The following NCAN variants were observed in gnomAD, a reference collection of about 807,000 sequenced individuals.
NCAN encodes the protein neurocan.
NCAN carries 47 observed loss-of-function variants against 121.8 expected under a neutral mutation model. That is an observed-to-expected ratio of 0.39 (90% CI 0.31 to 0.49). The LOEUF is 0.49. NCAN is among the 20% of genes least tolerant of loss of function. The pLI, the probability that NCAN is intolerant of heterozygous loss-of-function variation, is 0.92. For synonymous variants in NCAN, 633 were observed against 702.0 expected, an observed-to-expected ratio of 0.90 and a Z score of 1.55; for missense variants, 1,517 against 1,773.4, an observed-to-expected ratio of 0.86 and a Z score of 2.60.
chr19:19,246,919 C>G (rs1033152126), intron 13 of NCAN, among the ~76,000 whole-genome samples: 11 of 152,060 alleles, frequency 7.2e-5, no homozygotes, highest in African/African-American at 2.4e-4. Flanking sequence ...CTCTTTTGCC[C>G]AGTTTTCTAT....
chr19:19,232,683 A>G (rs903077664), intron 8 of NCAN, among the ~76,000 whole-genome samples: 1 of 152,236 alleles, frequency 6.6e-6, no homozygotes, highest in Non-Finnish European at 1.5e-5. Context: ...AATGTTCTCT[A>G]TCCACGCTAA....
chr19:19,229,404 G>GA (rs1473123942), intron 8 of NCAN, among the ~76,000 whole-genome samples: 6 of 152,174 alleles, frequency 3.9e-5, no homozygotes, highest in African/African-American at 1.4e-4. Flanking sequence ...CCAGAGGGAG[G>GA]AGGCATGGCA....
Position 19,228,386 on chromosome 19 carries a change from C to T in NCAN, c.2766C>T (p.Pro922=). The T allele has an allele frequency of 5.6e-6, 9 of 1,613,782 alleles. No homozygotes were observed. The highest frequency in any genetic ancestry group is 7.6e-6 in the Non-Finnish European group (9 of 1,180,020). Residue 922 remains proline (P), a synonymous_variant, in exon 8 of 15, where the codon CCC becomes CCT. Transcript: ENST00000252575. ...CAGTGCCTCCGCATCAGAGCAGTCC[C>T]CTAGGGAAACCGGCTGTTCCTCCTG... ...GASVPPHQSS[P]LGKPAVPPGT...
intron 14 of NCAN, 119 bp from the exon 15 acceptor site, chr19:19,249,647 A>G: frequency 6.9e-7 from 1 of 1,440,034 alleles, no homozygotes; most frequent in Non-Finnish European, 9.3e-7. Flanking sequence ...GATGACAGGG[A>G]TGAGCCCTCG....
rs1170483794 is a variant in NCAN at position 19,251,212 on chromosome 19, G to A, written c.*1301G>A. On this transcript the variant is annotated 3_prime_UTR_variant, in exon 15 of 15. Coordinates refer to ENST00000252575, the MANE Select transcript of NCAN (RefSeq NM_004386.3). ...GGTTAAAAAAGCACCGTGGAGAATG[G>A]CCCTCTTCAGGAAAGAAAAATAAGC... The A allele has an allele frequency of 2.6e-5, 4 of 152,148 alleles. No individual in the cohort carries two copies. Among genetic ancestry groups the A allele is most frequent in the Non-Finnish European group, 5.9e-5 (4 of 68,038 alleles). The allele number at this position is 152,148 out of a possible 1,614,324, so 9.4% of individuals were successfully genotyped here.
chr19:19,228,343 A>G lies in NCAN; in HGVS notation c.2723A>G (p.Gln908Arg), dbSNP rs1389548311. The change falls in exon 8 of 15, where the codon CAG becomes CGG. Residue 908 changes from glutamine to arginine, a missense_variant. By Grantham distance (43) the Gln-to-Arg change is conservative. Transcript: ENST00000252575. Reference sequence around the variant, plus strand: ...GAGCCAGAGGATCAGGTGGAGACCCAGGGAACATCAGGAGCTTCAGTGCCT... The same window carrying G: ...GAGCCAGAGGATCAGGTGGAGACCCGGGGAACATCAGGAGCTTCAGTGCCT... ...HPEPEDQVETQGTSGASVPPH... is the reference protein window; with the variant it reads ...HPEPEDQVETRGTSGASVPPH... 3 of 1,613,900 alleles carry G rather than the reference A, an allele frequency of 1.9e-6. No individual in the cohort carries two copies. The highest frequency in any genetic ancestry group is 1.7e-6 in the Non-Finnish European group (2 of 1,180,008).
rs374495639 is a variant in NCAN at position 19,219,461 on chromosome 19, A to G, written c.475+145A>G. 4.5e-6 allele frequency: 4 copies of G among 892,794 alleles called. No homozygotes were observed. In the East Asian group the frequency reaches 8.6e-5, roughly 19 times the overall value. 55.3% of individuals were successfully genotyped at this position (892,794 alleles called of 1,614,324 possible). A position where few individuals can be genotyped will look rare whatever the true frequency, so the allele number is the denominator to read the frequency against. ...TGTAATCCCAGCACTTTGGCAGGCC[A>G]AGGCGGGTGGATTGCTTGAGCACAG... On this transcript the variant is annotated intron_variant, in intron 3 of 14. Transcript: ENST00000252575.
intron 8 of NCAN, among the ~76,000 whole-genome samples, chr19:19,231,773 A>C (rs2060860895): frequency 6.6e-6 from 1 of 151,992 alleles, no homozygotes; most frequent in South Asian, 2.1e-4. Context: ...TGAGCCCAGG[A>C]ATTGGAGACC....
At chr19:19,223,063 C>T (rs995726976) in intron 3 of NCAN, among the ~76,000 whole-genome samples, 27 of 151,988 alleles carry the variant, frequency 1.8e-4, no homozygotes, top group Admixed American at 1.5e-3. Context: ...GAGCTGAGAT[C>T]GCGCCACTGC....
Position 19,227,615 on chromosome 19 carries a change from C to A in NCAN, c.1995C>A (p.Ala665=), listed in dbSNP as rs144580072. The A allele has an allele frequency of 6.2e-7, 1 of 1,613,924 alleles. No individual in the cohort carries two copies. The highest frequency in any genetic ancestry group is 1.1e-5 in the South Asian group (1 of 91,082). ...TTGAGGCACATGGTGAGGCCACCGC[C>A]ACGGCTCCACCCTCCCCTGCTGCAG... ...NRVEAHGEAT[A]TAPPSPAAET... The change falls in exon 8 of 15, where the codon GCC becomes GCA. Residue 665 remains alanine (A), a synonymous_variant. Coordinates refer to ENST00000252575, the MANE Select transcript of NCAN (RefSeq NM_004386.3). This position sits in a 1 kb window ranked among gnomAD's most constrained non-coding sequence, Gnocchi z 4.2.
In NCAN at chr19:19,226,495, C is replaced by T. The variant is rs2060837354; in HGVS notation, c.1082C>T (p.Pro361Leu). 3.8e-6 allele frequency: 6 copies of T among 1,585,932 alleles called. No homozygotes were observed. The highest frequency in any genetic ancestry group is 4.3e-6 in the Non-Finnish European group (5 of 1,162,072). The change falls in exon 7 of 15, where the codon CCC becomes CTC. Residue 361 changes from proline to leucine, a missense_variant. Physicochemically the swap from Pro to Leu is moderately conservative, Grantham distance 98. Coordinates refer to ENST00000252575, the MANE Select transcript of NCAN (RefSeq NM_004386.3). ...FDAYCFRAHH[P>L]TSQHGDLETP... ...CTGCTTTCTCCCACAGCTCATCACC[C>T]CACGTCACAACATGGAGACCTAGAG...
Position 19,228,241 on chromosome 19 carries a change from C to G in NCAN, c.2621C>G (p.Thr874Arg). The part of the protein sequence containing the change: ...ALDTSIVTPL[T>R]TLEQGDKVGV... ...GATACAAGCATTGTGACGCCCCTCACGACCCTGGAGCAGGGGGACAAGGTT... is the reference window on the plus strand; with the variant it reads ...GATACAAGCATTGTGACGCCCCTCAGGACCCTGGAGCAGGGGGACAAGGTT... Residue 874 changes from threonine to arginine, a missense_variant, in exon 8 of 15, where the codon ACG becomes AGG. Coordinates refer to ENST00000252575, the MANE Select transcript of NCAN (RefSeq NM_004386.3). The G allele has an allele frequency of 6.2e-7, 1 of 1,613,916 alleles. No homozygotes were observed.
chr19:19,213,169 G>A (rs1056372327), intron 1 of NCAN, among the ~76,000 whole-genome samples: 3 of 152,142 alleles, frequency 2.0e-5, no homozygotes, highest in Non-Finnish European at 4.4e-5. Context: ...GGTGCACTGT[G>A]GGACCCCAGA....
At chr19:19,243,808 G>A (rs964973619) in intron 12 of NCAN, among the ~76,000 whole-genome samples, 32 of 151,924 alleles carry the variant, frequency 2.1e-4, no homozygotes, top group South Asian at 1.5e-3. Flanking sequence ...TGGGTGGATC[G>A]CGAGGTCAGG....
chr19:19,226,610 G>T lies in NCAN; in HGVS notation c.1197G>T (p.Val399=), dbSNP rs2060837999. Residue 399 remains valine, a synonymous_variant, in exon 7 of 15, where the codon GTG becomes GTT. Coordinates refer to ENST00000252575, the MANE Select transcript of NCAN (RefSeq NM_004386.3). ...AGCCCACCCTGGAGGAGGAAGAGGT[G>T]GTCACCCCTGACTTCCAGGAGCCTC... is the stretch of plus-strand genomic sequence containing the variant. The part of the protein sequence containing the change: ...ELEPTLEEEE[V]VTPDFQEPLV... The T allele has an allele frequency of 6.2e-7, 1 of 1,613,784 alleles. No homozygotes were observed. Among genetic ancestry groups the T allele is most frequent in the Non-Finnish European group, 8.5e-7 (1 of 1,180,026 alleles).
At position 19,219,096 on chromosome 19, in the gene NCAN, G is replaced by A. The variant is rs1356578181; in HGVS notation, c.255G>A (p.Ser85=). 11 of 1,612,390 alleles carry A rather than the reference G, an allele frequency of 6.8e-6. No individual in the cohort carries two copies. The highest frequency in any genetic ancestry group is 6.7e-5 in the Admixed American group (4 of 59,892). Residue 85 remains serine (S), a synonymous_variant, in exon 3 of 15, where the codon TCG becomes TCA. Transcript: ENST00000252575. ...AGTGGACCAAGGTGCGGACTGCGTC[G>A]GGCCAGCGACAGGACTTGCCCATCC... The part of the protein sequence containing the change: ...RIKWTKVRTA[S]GQRQDLPILV...
chr19:19,220,615 G>A (rs1053876931), intron 3 of NCAN, among the ~76,000 whole-genome samples: 3 of 151,868 alleles, frequency 2.0e-5, no homozygotes, highest in Non-Finnish European at 2.9e-5. Context: ...CCGCCACAGC[G>A]CCTGGCTAAT....
At position 19,228,188 on chromosome 19, in the gene NCAN, C is replaced by T; in HGVS notation, c.2568C>T (p.Ser856=). ...PGSQVFEEAE[S]TTLSPQVALD... ...CCCAGGTGTTTGAAGAAGCCGAAAG[C>T]ACCACCTTGAGCCCTCAGGTGGCCC... is the stretch of plus-strand genomic sequence containing the variant. The change falls in exon 8 of 15, where the codon AGC becomes AGT. Residue 856 remains serine, a synonymous_variant. Coordinates refer to ENST00000252575, the MANE Select transcript of NCAN (RefSeq NM_004386.3). The T allele has an allele frequency of 6.2e-7, 1 of 1,613,926 alleles. No individual in the cohort carries two copies. The highest frequency in any genetic ancestry group is 8.5e-7 in the Non-Finnish European group (1 of 1,180,030).
intron 1 of NCAN, among the ~76,000 whole-genome samples, chr19:19,215,135 C>G (rs990496737): frequency 2.0e-5 from 3 of 152,060 alleles, no homozygotes; most frequent in Admixed American, 2.0e-4. Context: ...AGTTCAGCAC[C>G]ACGGACAGGT....
Sources: allele counts gnomAD v4.1 joint callset (sites outside exome capture counted in the v4.1 genomes callset), GRCh38; gene constraint gnomAD v4.1.1; non-coding constraint Gnocchi (gnomAD v3.1); transcripts MANE v1.5; gene names NCBI Gene and HGNC (gene_info 2026-07-23, HGNC 2026-07-21).